Variants in SAMM50 observed in about 807,000 individuals in gnomAD.
The protein encoded by SAMM50 is SAMM50 sorting and assembly machinery component.
Under a neutral mutation model 66.9 loss-of-function variants are expected in SAMM50, and 47 were observed. The ratio of observed to expected loss-of-function variants is 0.70; its 90% CI spans 0.56 to 0.90. The LOEUF (loss-of-function observed/expected upper bound fraction) is 0.90. Among genes scored for constraint, SAMM50 ranks in the 40% least tolerant of loss-of-function variants. The probability of loss-of-function intolerance (pLI) is 0.00; values close to 1 mark genes in which losing one functional copy is unlikely to be tolerated. For missense variants in SAMM50, 535 were observed against 595.3 expected (o/e 0.90, Z 1.05); for synonymous variants, 191 against 214.1 (o/e 0.89, Z 0.94).
chr22:43,996,303 G>A, intron 14 of SAMM50, 35 bp from the exon 15 acceptor site: 1 of 1,613,266 alleles, frequency 6.2e-7, no homozygotes, highest in Admixed American at 1.7e-5. Flanking sequence ...GGCTGGCGGA[G>A]CGGCCGCCGC....
intron 3 of SAMM50, among the ~76,000 whole-genome samples, chr22:43,966,259 A>G (rs2050172762): frequency 6.6e-6 from 1 of 152,166 alleles, no homozygotes; most frequent in African/African-American, 2.4e-5. Flanking sequence ...GTGTTTTAGG[A>G]TAAATTCCTG....
At chr22:43,964,594 C>T in intron 3 of SAMM50, 41 bp downstream of exon 3, 1 of 1,093,088 alleles carries the variant, frequency 9.1e-7, no homozygotes, top group Non-Finnish European at 1.4e-6. Context: ...CCAGTCTCTT[C>T]TGAAGAACTC....
intron 14 of SAMM50, among the ~76,000 whole-genome samples, chr22:43,995,951 T>A (rs1297223915): frequency 6.6e-6 from 1 of 152,178 alleles, no homozygotes; most frequent in African/African-American, 2.4e-5. Context: ...CCTTAAGTTC[T>A]GTCCACCTGC....
At chr22:43,974,648 C>A (rs2050221956) in intron 7 of SAMM50, 1 of 152,272 alleles carries the variant, frequency 6.6e-6, no homozygotes, top group Non-Finnish European at 1.5e-5. Context: ...CCCTGAGACA[C>A]CTTTCTGCTT....
chr22:43,990,233 G>T, intron 13 of SAMM50, 32 bp from the exon 14 acceptor site: 1 of 1,613,722 alleles, frequency 6.2e-7, no homozygotes, highest in South Asian at 1.1e-5. Context: ...GGACGGGCAC[G>T]CACTGTTGCT....
intron 12 of SAMM50, among the ~76,000 whole-genome samples, chr22:43,984,553 C>T (rs968553071): frequency 2.3e-4 from 35 of 151,992 alleles, no homozygotes; most frequent in East Asian, 7.7e-4. Flanking sequence ...CCTCGTGATC[C>T]GCCTGCCTCA....
chr22:43,994,639 A>C (rs2050343265), intron 14 of SAMM50, among the ~76,000 whole-genome samples: 1 of 152,116 alleles, frequency 6.6e-6, no homozygotes, highest in Non-Finnish European at 1.5e-5. Flanking sequence ...AAGGTGGGAG[A>C]TGACCAGGAG....
intron 1 of SAMM50, among the ~76,000 whole-genome samples, chr22:43,959,104 T>C (rs1049510497): frequency 1.3e-5 from 2 of 151,072 alleles, no homozygotes; most frequent in South Asian, 2.1e-4. Context: ...CTGCAACTTC[T>C]GCCTCCTGGG....
At chr22:43,991,283 T>C (rs894067486) in intron 14 of SAMM50, among the ~76,000 whole-genome samples, 38 of 149,880 alleles carry the variant, frequency 2.5e-4, no homozygotes. Context: ...GCATTTTTTT[T>C]TTTTTTTTTT....
At chr22:43,991,935 A>G (rs1244589028) in intron 14 of SAMM50, among the ~76,000 whole-genome samples, 11 of 152,166 alleles carry the variant, frequency 7.2e-5, no homozygotes, top group Non-Finnish European at 1.5e-4. Flanking sequence ...AGGTATCAAC[A>G]CCATCCTGTC....
At chr22:43,971,535 C>T (rs759824065) in intron 4 of SAMM50, among the ~76,000 whole-genome samples, 4 of 152,200 alleles carry the variant, frequency 2.6e-5, no homozygotes, top group Non-Finnish European at 4.4e-5. Context: ...CCCCTATTGT[C>T]ATGTGAGTTC....
intron 4 of SAMM50, among the ~76,000 whole-genome samples, chr22:43,969,330 G>A (rs1273373732): frequency 6.6e-6 from 1 of 152,194 alleles, no homozygotes; most frequent in Non-Finnish European, 1.5e-5. Flanking sequence ...TCTTGTTGCT[G>A]TGTGATACTG....
chr22:43,955,870 T>C (rs528251041), intron 1 of SAMM50, among the ~76,000 whole-genome samples: 1 of 152,358 alleles, frequency 6.6e-6, no homozygotes, highest in Non-Finnish European at 1.5e-5. Flanking sequence ...TTCTGTGATG[T>C]CTTAGACCGC....
At chr22:43,971,968 T>G (rs1329266498) in intron 4 of SAMM50, among the ~76,000 whole-genome samples, 1 of 152,196 alleles carries the variant, frequency 6.6e-6, no homozygotes, top group Admixed American at 6.5e-5. Flanking sequence ...CAAAGCACTG[T>G]GATTACAGGC....
intron 10 of SAMM50, among the ~76,000 whole-genome samples, chr22:43,980,509 G>A (rs917621205): frequency 6.6e-6 from 1 of 151,652 alleles, no homozygotes; most frequent in African/African-American, 2.4e-5. Flanking sequence ...GGGACACCTC[G>A]GGCGGGAGCA....
intron 14 of SAMM50, among the ~76,000 whole-genome samples, chr22:43,995,218 C>G (rs563038066): frequency 1.6e-4 from 25 of 152,250 alleles, no homozygotes; most frequent in African/African-American, 5.5e-4. Context: ...CTGCAGGAGG[C>G]CGGCGCAGCA....
chr22:43,987,900 A>G (rs981986673), intron 12 of SAMM50: 6 of 150,090 alleles, frequency 4.0e-5, no homozygotes, highest in East Asian at 2.0e-4. Flanking sequence ...GAAACTGTGT[A>G]TATATATATA....
intron 14 of SAMM50, 90 bp from the exon 15 acceptor site, chr22:43,996,248 G>A: frequency 1.4e-6 from 2 of 1,397,616 alleles, no homozygotes; most frequent in African/African-American, 1.4e-5. Flanking sequence ...AGCGGAGGCG[G>A]CACCTTCTGA....
chr22:43,958,890 C>A (rs1466426789), intron 1 of SAMM50, among the ~76,000 whole-genome samples: 1 of 152,048 alleles, frequency 6.6e-6, no homozygotes, highest in Non-Finnish European at 1.5e-5. Flanking sequence ...GTCTTTCAGA[C>A]TTTTTGATCA....
Sources: allele counts gnomAD v4.1 joint callset (sites outside exome capture counted in the v4.1 genomes callset), GRCh38; gene constraint gnomAD v4.1.1; transcripts MANE v1.5; gene names NCBI Gene and HGNC (gene_info 2026-07-23, HGNC 2026-07-21).